AP1S3: variants seen among roughly 807,000 people sequenced by gnomAD.
The protein encoded by AP1S3 is AP-1 complex subunit sigma-3.
AP1S3 carries 10 observed loss-of-function variants against 20.9 expected under a neutral mutation model. The observed-to-expected ratio is 0.48, with a 90% confidence interval of 0.29 to 0.81. The LOEUF (loss-of-function observed/expected upper bound fraction) is 0.81, where lower values mean the gene tolerates loss of function less well. AP1S3 is among the 30% of genes least tolerant of loss of function. The probability of loss-of-function intolerance (pLI) is 0.08; values close to 1 mark genes in which losing one functional copy is unlikely to be tolerated. For synonymous variants in AP1S3, 41 were observed against 61.5 expected, an observed-to-expected ratio of 0.67 and a Z score of 1.56; for missense variants, 154 against 183.8, an observed-to-expected ratio of 0.84 and a Z score of 0.94.
At chr2:223,835,379 A>T (rs767960159) in intron 1 of AP1S3, among the ~76,000 whole-genome samples, 20 of 152,218 alleles carry the variant, frequency 1.3e-4, no homozygotes, top group Non-Finnish European at 5.9e-5. Flanking sequence ...TTTCCCCGCC[A>T]GGTGCGGTGG....
rs1553578226 is a variant in AP1S3 at position 223,756,338 on chromosome 2, G to GA, written c.*2376dup. On this transcript the variant is annotated 3_prime_UTR_variant, in exon 5 of 5. Transcript: ENST00000396654. ...GGTGACAAGAAGCGAGGAAAGAAAA[G>GA]AAAGAAAAGAAAAGAAAAGAGAAAA... The GA allele has an allele frequency of 1.1e-5, 3 of 261,470 alleles. No homozygotes were observed. Among genetic ancestry groups the GA allele is most frequent in the African/African-American group, 7.6e-5 (3 of 39,718 alleles). The allele number at this position is 261,470 out of a possible 1,614,324, so 16.2% of individuals were successfully genotyped here. A position where few individuals can be genotyped will look rare whatever the true frequency, so the allele number is the denominator to read the frequency against.
chr2:223,781,446 A>G (rs766404869), intron 1 of AP1S3, among the ~76,000 whole-genome samples: 1 of 152,002 alleles, frequency 6.6e-6, no homozygotes, highest in East Asian at 1.9e-4. Context: ...AAACAATTCA[A>G]TAATCTTGGC....
intron 1 of AP1S3, among the ~76,000 whole-genome samples, chr2:223,785,255 T>C (rs749484153): frequency 5.9e-5 from 9 of 152,112 alleles, no homozygotes; most frequent in Non-Finnish European, 1.0e-4. Flanking sequence ...GACAGGAGAA[T>C]TGCTTGAACC....
chr2:223,784,452 A>G (rs1691027751), intron 1 of AP1S3, among the ~76,000 whole-genome samples: 1 of 151,994 alleles, frequency 6.6e-6, no homozygotes, highest in South Asian at 2.1e-4. Flanking sequence ...AGAGAGCACA[A>G]CACTTCTCAT....
intron 1 of AP1S3, among the ~76,000 whole-genome samples, chr2:223,815,077 A>G (rs1574722579): frequency 6.6e-6 from 1 of 152,230 alleles, no homozygotes; most frequent in Non-Finnish European, 1.5e-5. Flanking sequence ...CCTGGCCCCA[A>G]TCTTTATTTT....
At position 223,758,025 on chromosome 2, in the gene AP1S3, A is replaced by C. The variant is rs1233957314; in HGVS notation, c.*690T>G. ...ATAGTTCATAGAAAACCTTATTGGA[A>C]TGTCCCTTATATTCAATTAAAAGAT... is the stretch of plus-strand genomic sequence containing the variant. On this transcript the variant is annotated 3_prime_UTR_variant, in exon 5 of 5. Coordinates refer to ENST00000396654, the MANE Select transcript of AP1S3 (RefSeq NM_001039569.2). 1 of 976,090 alleles carries C rather than the reference A, an allele frequency of 1.0e-6. No individual in the cohort carries two copies. Among genetic ancestry groups the C allele is most frequent in the African/African-American group, 1.8e-5 (1 of 57,122 alleles). 60.5% of individuals were successfully genotyped at this position (976,090 alleles called of 1,614,324 possible). A position where few individuals can be genotyped will look rare whatever the true frequency, so the allele number is the denominator to read the frequency against.
chr2:223,759,156 T>C (rs564662644), intron 4 of AP1S3, among the ~76,000 whole-genome samples: 1 of 152,196 alleles, frequency 6.6e-6, no homozygotes, highest in Admixed American at 6.5e-5. Context: ...GGCATGCACC[T>C]GTATTCCCAG....
chr2:223,770,159 C>A, intron 3 of AP1S3: 1 of 1,544,928 alleles, frequency 6.5e-7, no homozygotes, highest in South Asian at 1.2e-5. Context: ...ATTAGACATC[C>A]ATGTACATGA....
At chr2:223,817,607 C>CT in intron 1 of AP1S3, among the ~76,000 whole-genome samples, 1 of 81,206 alleles carries the variant, frequency 1.2e-5, no homozygotes, top group African/African-American at 4.6e-5. Flanking sequence ...GACTCCGTCT[C>CT]AAAAAAAAAA....
chr2:223,757,980 C>T lies in AP1S3; in HGVS notation c.*735G>A, dbSNP rs867317905. The T allele has an allele frequency of 1.0e-6, 1 of 964,780 alleles. No individual in the cohort carries two copies. The highest frequency in any genetic ancestry group is 1.2e-6 in the Non-Finnish European group (1 of 811,190). The allele number at this position is 964,780 out of a possible 1,614,324, so 59.8% of individuals were successfully genotyped here. ...TCATAGATGCTGTATCTCTAGGTCTCTATAAACCTTAATAAATATATAGTT... is the reference window on the plus strand; with the variant it reads ...TCATAGATGCTGTATCTCTAGGTCTTTATAAACCTTAATAAATATATAGTT... On this transcript the variant is annotated 3_prime_UTR_variant, in exon 5 of 5. Transcript: ENST00000396654.
intron 1 of AP1S3, among the ~76,000 whole-genome samples, chr2:223,808,475 A>C (rs1189386436): frequency 6.6e-6 from 1 of 152,220 alleles, no homozygotes; most frequent in Non-Finnish European, 1.5e-5. Context: ...ACACTGCAGA[A>C]GAAAGGACTC....
At position 223,813,788 on chromosome 2, in the gene AP1S3, G is replaced by A. The variant is rs185536554; in HGVS notation, c.3+23660C>T. ...TGAGTGAAAGAGGTAAGAAGGGAGG[G>A]GCAGCCCTCACATCCACAAAGGGTC... On this transcript the variant is annotated intron_variant, in intron 1 of 4. Coordinates refer to ENST00000396654, the MANE Select transcript of AP1S3 (RefSeq NM_001039569.2). Among the ~76,000 whole-genome samples the A allele has an allele frequency of 1.8e-3, 274 of 152,228 alleles. 2 individuals are homozygous for A. Among genetic ancestry groups the A allele is most frequent in the African/African-American group, 6.2e-3 (259 of 41,530 alleles).
intron 1 of AP1S3, among the ~76,000 whole-genome samples, chr2:223,828,058 TAAAAAAAAAAAAAAAAAAAA>T (rs527671959): frequency 3.2e-5 from 3 of 94,670 alleles, no homozygotes; most frequent in South Asian, 3.3e-4. Flanking sequence ...AGACTTCATC[TAAAAAAAAAAAAAAAAAAAA>T]AAAAAAAAAA....
At chr2:223,802,902 T>C (rs1351564635) in intron 1 of AP1S3, among the ~76,000 whole-genome samples, 1 of 152,230 alleles carries the variant, frequency 6.6e-6, no homozygotes, top group African/African-American at 2.4e-5. Flanking sequence ...ATCTATATCC[T>C]GGGCTACATA....
intron 1 of AP1S3, among the ~76,000 whole-genome samples, chr2:223,825,462 A>G (rs1419960004): frequency 2.0e-5 from 3 of 151,760 alleles, no homozygotes; most frequent in African/African-American, 4.8e-5. Flanking sequence ...TCATACACAC[A>G]CTGTTTTCTG....
At chr2:223,803,076 A>G (rs890111008) in intron 1 of AP1S3, among the ~76,000 whole-genome samples, 2 of 152,246 alleles carry the variant, frequency 1.3e-5, no homozygotes, top group African/African-American at 4.8e-5. Context: ...AGCCAAGTTT[A>G]AATTTTTATG....
intron 2 of AP1S3, among the ~76,000 whole-genome samples, chr2:223,776,587 T>A (rs1321929574): frequency 6.6e-6 from 1 of 152,180 alleles, no homozygotes; most frequent in African/African-American, 2.4e-5. Context: ...TATCTAAGGA[T>A]CATAACTCCT....
chr2:223,818,189 G>T (rs1691899848), intron 1 of AP1S3, among the ~76,000 whole-genome samples: 1 of 152,200 alleles, frequency 6.6e-6, no homozygotes. Context: ...GGCCAAAGTA[G>T]GTGGATCTCT....
chr2:223,792,774 T>C (rs953293207), intron 1 of AP1S3, among the ~76,000 whole-genome samples: 15 of 152,016 alleles, frequency 9.9e-5, no homozygotes, highest in African/African-American at 3.6e-4. Flanking sequence ...GTCATCAGAG[T>C]AGACAGACAT....
Sources: gnomAD v4.1 joint callset for allele counts (sites outside exome capture counted in the v4.1 genomes callset) on GRCh38, gnomAD v4.1.1 for gene constraint, MANE v1.5 for transcripts, NCBI Gene and HGNC (gene_info 2026-07-23, HGNC 2026-07-21) for gene names.